The following ADAMTS17 variants were observed in gnomAD, a reference collection of about 807,000 sequenced individuals.
The protein encoded by ADAMTS17 is A disintegrin and metalloproteinase with thrombospondin motifs 17.
In ADAMTS17, 113 loss-of-function variants were observed where a neutral mutation model predicts 141.5. The observed-to-expected ratio is 0.80, with a 90% confidence interval of 0.69 to 0.93. ADAMTS17 has a LOEUF of 0.93. Among genes scored for constraint, ADAMTS17 ranks in the 40% least tolerant of loss-of-function variants. The pLI is 0.00. For synonymous variants in ADAMTS17, 768 were observed against 630.6 expected, an observed-to-expected ratio of 1.22 and a Z score of -3.27; for missense variants, 1,659 against 1,517.9, an observed-to-expected ratio of 1.09 and a Z score of -1.54.
chr15:100,044,146 T>C (rs1464513540), intron 18 of ADAMTS17, among the ~76,000 whole-genome samples: 1 of 152,204 alleles, frequency 6.6e-6, no homozygotes, highest in African/African-American at 2.4e-5. Flanking sequence ...GCACTTTGAA[T>C]TAATCTGGAA....
chr15:100,104,055 G>A (rs2036279288), intron 14 of ADAMTS17, among the ~76,000 whole-genome samples: 1 of 152,230 alleles, frequency 6.6e-6, no homozygotes, highest in East Asian at 1.9e-4. Flanking sequence ...GAACTGAATT[G>A]GAGAATGTTG....
Position 100,052,385 on chromosome 15 carries a change from G to T in ADAMTS17, c.2296-654C>A, listed in dbSNP as rs181976833. Among the ~76,000 whole-genome samples the T allele has an allele frequency of 5.3e-5, 8 of 152,336 alleles. No homozygotes were observed. In the East Asian group the frequency reaches 1.3e-3, roughly 26 times the overall value. ...TCATTTTCAGTTTTAAAATCTTGAAGTGACAATCACATTTTGAAAGAAAAG... is the reference window on the plus strand; with the variant it reads ...TCATTTTCAGTTTTAAAATCTTGAATTGACAATCACATTTTGAAAGAAAAG... On this transcript the variant is annotated intron_variant, in intron 16 of 21. Transcript: ENST00000268070.
chr15:100,306,570 C>T (rs542952382), intron 3 of ADAMTS17: 2 of 456,054 alleles, frequency 4.4e-6, no homozygotes, highest in Admixed American at 2.3e-5. Flanking sequence ...GGCCCAGACA[C>T]TGTGGAACTG....
chr15:100,156,118 C>T (rs1234629744), intron 8 of ADAMTS17, among the ~76,000 whole-genome samples: 1 of 152,230 alleles, frequency 6.6e-6, no homozygotes, highest in East Asian at 1.9e-4. Flanking sequence ...TAGACACTTT[C>T]CAAGTGCCAG....
Position 100,198,450 on chromosome 15 carries a change from C to G in ADAMTS17, c.1181+868G>C, listed in dbSNP as rs187521943. ...TCTTACTGTGTAGGTCATTAGGAAA[C>G]CTTTACAATAATTTTTCCCCCAAGA... On this transcript the variant is annotated intron_variant, in intron 8 of 21. Coordinates refer to ENST00000268070, the MANE Select transcript of ADAMTS17 (RefSeq NM_139057.4). Among the ~76,000 whole-genome samples, 220 of 152,236 alleles carry G rather than the reference C, an allele frequency of 1.4e-3. 2 individuals carry two copies. The highest frequency in any genetic ancestry group is 5.1e-3 in the African/African-American group (213 of 41,522).
intron 8 of ADAMTS17, among the ~76,000 whole-genome samples, chr15:100,157,885 A>ATTTTTTT (rs1567275461): frequency 4.4e-5 from 6 of 137,620 alleles, no homozygotes; most frequent in African/African-American, 1.3e-4. Flanking sequence ...GTTTAGCTAT[A>ATTTTTTT]TTCTTTTTTT....
intron 20 of ADAMTS17, among the ~76,000 whole-genome samples, chr15:99,984,442 G>T (rs1349772248): frequency 1.3e-5 from 2 of 152,150 alleles, no homozygotes; most frequent in African/African-American, 4.8e-5. Flanking sequence ...CACACTCGAG[G>T]GACTGTTCTT....
intron 9 of ADAMTS17, 114 bp from the exon 10 acceptor site, chr15:100,152,876 C>T: frequency 2.4e-6 from 3 of 1,265,278 alleles, no homozygotes; most frequent in South Asian, 1.4e-5. Context: ...CCTCCACGTT[C>T]CTTATGGAAA....
At chr15:100,097,757 A>G (rs1421463298) in intron 14 of ADAMTS17, among the ~76,000 whole-genome samples, 1 of 152,246 alleles carries the variant, frequency 6.6e-6, no homozygotes, top group East Asian at 1.9e-4. Flanking sequence ...CTCCCAGGAG[A>G]TGCTGAGGCT....
chr15:100,281,675 G>T (rs1270612309), intron 3 of ADAMTS17, among the ~76,000 whole-genome samples: 1 of 152,204 alleles, frequency 6.6e-6, no homozygotes, highest in Non-Finnish European at 1.5e-5. Context: ...GGGGCTGAGG[G>T]GAACAGAGGA....
At chr15:100,109,702 T>C (rs1238695955) in intron 13 of ADAMTS17, among the ~76,000 whole-genome samples, 1 of 152,126 alleles carries the variant, frequency 6.6e-6, no homozygotes, top group African/African-American at 2.4e-5. Flanking sequence ...AAGAGCCGCA[T>C]GTGCACCCAG....
intron 20 of ADAMTS17, chr15:99,976,634 G>A (rs537584444): frequency 6.2e-6 from 2 of 322,232 alleles, no homozygotes; most frequent in South Asian, 5.8e-5. Flanking sequence ...TGTCATGAGG[G>A]TGGAGCCTCC....
intron 18 of ADAMTS17, among the ~76,000 whole-genome samples, chr15:100,012,173 T>C (rs562926536): frequency 8.5e-5 from 13 of 152,384 alleles, no homozygotes; most frequent in African/African-American, 2.6e-4. Flanking sequence ...CATATGTTTG[T>C]TGGCCTTTTG....
chr15:99,976,420 T>C, intron 20 of ADAMTS17, 198 bp from the exon 21 acceptor site: 1 of 713,710 alleles, frequency 1.4e-6, no homozygotes. Flanking sequence ...GTCAGGGGGC[T>C]GGGACGATGG....
chr15:100,341,102 G>C lies in ADAMTS17; in HGVS notation c.387C>G (p.Gly129=), dbSNP rs950250949. ...GRPAELCFYS[G]RVLGHPGSLV... ...GGGAGCCGGGGTGGCCGAGCACACG[G>C]CCCGAGTAGAAGCACAGCTCGGCGG... The change falls in exon 2 of 22, where the codon GGC becomes GGG. Residue 129 remains glycine, a synonymous_variant. Transcript: ENST00000268070. 1.3e-6 allele frequency: 2 copies of C among 1,513,082 alleles called. No homozygotes were observed. The highest frequency in any genetic ancestry group is 2.4e-5 in the South Asian group (2 of 82,638). 93.7% of individuals were successfully genotyped at this position (1,513,082 alleles called of 1,614,324 possible). A position where few individuals can be genotyped will look rare whatever the true frequency, so the allele number is the denominator to read the frequency against.
At chr15:100,023,812 C>A (rs867752024) in intron 18 of ADAMTS17, among the ~76,000 whole-genome samples, 2 of 152,344 alleles carry the variant, frequency 1.3e-5, no homozygotes, top group Admixed American at 6.5e-5. Flanking sequence ...TTGCGCTGAT[C>A]TCCAGGGCAT....
intron 8 of ADAMTS17, among the ~76,000 whole-genome samples, chr15:100,179,603 G>C (rs1289837222): frequency 6.6e-6 from 1 of 152,170 alleles, no homozygotes; most frequent in Non-Finnish European, 1.5e-5. Flanking sequence ...TCTATTTTTA[G>C]TTTATTGAGG....
chr15:100,306,612 T>C (rs1442862149), intron 3 of ADAMTS17: 2 of 455,176 alleles, frequency 4.4e-6, no homozygotes, highest in African/African-American at 4.0e-5. Flanking sequence ...CCTTGTCAAA[T>C]CCCTGACCCA....
rs549516622 is a variant in ADAMTS17 at position 100,193,392 on chromosome 15, GT to G, written c.1181+5925del. On this transcript the variant is annotated intron_variant, in intron 8 of 21. Transcript: ENST00000268070. ...TCAGGGTGACCGAGAGAGAGGTGAAGTGGGTGGGTTATTTTCAGCACAGCCG... is the reference window on the plus strand; with the variant it reads ...TCAGGGTGACCGAGAGAGAGGTGAAGGGGTGGGTTATTTTCAGCACAGCCG... Among the ~76,000 whole-genome samples, 36 of 152,316 alleles carry G rather than the reference GT, an allele frequency of 2.4e-4. No homozygotes were observed. In the South Asian group the frequency reaches 6.6e-3, roughly 28 times the overall value.
Sources: gnomAD v4.1 joint callset for allele counts (sites outside exome capture counted in the v4.1 genomes callset) on GRCh38, gnomAD v4.1.1 for gene constraint, MANE v1.5 for transcripts, NCBI Gene and HGNC (gene_info 2026-07-23, HGNC 2026-07-21) for gene names.